Variants in TEPSIN observed in about 807,000 individuals in gnomAD.
TEPSIN encodes TEPSIN adaptor related protein complex 4 accessory protein.
Under a neutral mutation model 48.5 loss-of-function variants are expected in TEPSIN, and 50 were observed. That is an observed-to-expected ratio of 1.03 (90% CI 0.82 to 1.31). TEPSIN has a LOEUF of 1.31. Ranked by LOEUF, TEPSIN falls within the 50% of genes most tolerant of loss-of-function variation. The pLI is 0.00. For missense variants in TEPSIN, 838 were observed against 815.9 expected (o/e 1.03, Z -0.33); for synonymous variants, 392 against 358.8 (o/e 1.09, Z -1.05).
chr17:81,231,287 G>T (rs1452031972), intron 11 of TEPSIN, 111 bp downstream of exon 11: 1 of 1,159,236 alleles, frequency 8.6e-7, no homozygotes, highest in Non-Finnish European at 1.2e-6. Flanking sequence ...ACAGAGGAAT[G>T]TTCACACACA....
rs1234410764 is a variant in TEPSIN, at chr17:81,233,737, C to T, written c.376-21G>A. On this transcript the variant is annotated intron_variant, in intron 5 of 12. Coordinates refer to ENST00000637944, the MANE Select transcript of TEPSIN (RefSeq NM_001363764.2). This position sits in a 1 kb window ranked among gnomAD's most constrained non-coding sequence, Gnocchi z 5.8. The stretch of plus-strand genomic sequence containing the variant: ...AAGTCCTACAGGGGGAGGCGAAGGC[C>T]CTCAGTGTCCTCACACCAGGGCCTG... 2 of 1,574,466 alleles carry T rather than the reference C, an allele frequency of 1.3e-6. No homozygotes were observed. Among genetic ancestry groups the T allele is most frequent in the Non-Finnish European group, 1.7e-6 (2 of 1,162,154 alleles).
Position 81,232,453 on chromosome 17 carries a change from G to A in TEPSIN, c.592C>T (p.Arg198Cys), listed in dbSNP as rs539927555. ...KAAEVVASAM[R>C]PGPESPSTRR... is the part of the protein sequence containing the mutation. ...GTACTGGGACTCTCGGGCCCGGGGC[G>A]CATGGCGCTGGCCACCACCTCTGCG... The change falls in exon 8 of 13, where the codon CGC (arginine) becomes TGC (cysteine). Residue 198 changes from arginine to cysteine, a missense_variant. Coordinates refer to ENST00000637944, the MANE Select transcript of TEPSIN (RefSeq NM_001363764.2). 2.5e-4 allele frequency: 388 copies of A among 1,535,598 alleles called. 5 individuals are homozygous for A. Among genetic ancestry groups the A allele is most frequent in the South Asian group, 2.4e-3 (205 of 84,018 alleles).
intron 1 of TEPSIN, 115 bp downstream of exon 1, chr17:81,238,871 C>G (rs562680102): frequency 1.5e-6 from 2 of 1,363,594 alleles, no homozygotes; most frequent in African/African-American, 3.1e-5. Context: ...GGGCCAGGAG[C>G]AGCTACCCGG....
In TEPSIN at chr17:81,230,269, G is replaced by A. The variant is rs2062562856; in HGVS notation, c.1233+275C>T. ...AGTGTGAGGCCAAGACACAAGGGCA[G>A]GAACATTAAGGCAGCGGAGTCTGGG... On this transcript the variant is annotated intron_variant, in intron 12 of 12. Coordinates refer to ENST00000637944, the MANE Select transcript of TEPSIN (RefSeq NM_001363764.2). The surrounding 1 kb of genome is among the most constrained non-coding windows in gnomAD (Gnocchi z 4.2). 4.2e-6 allele frequency: 2 copies of A among 479,276 alleles called. No individual in the cohort carries two copies. The highest frequency in any genetic ancestry group is 7.4e-6 in the Non-Finnish European group (2 of 268,574). 29.7% of individuals were successfully genotyped at this position (479,276 alleles called of 1,614,324 possible). A position where few individuals can be genotyped will look rare whatever the true frequency, so the allele number is the denominator to read the frequency against.
chr17:81,230,489 ATCTCCCACTGT>A lies in TEPSIN; in HGVS notation c.1233+44_1233+54del, dbSNP rs1399489305. The A allele has an allele frequency of 5.6e-6, 9 of 1,597,818 alleles. No homozygotes were observed. The African/African-American group carries it at 1.2e-4, about 22-fold the overall frequency. ...ACGGGGTGGCCGTGGACTGCAGCGT[ATCTCCCACTGT>A]ACCCTTGGACCCCGGTGTGCGTGTG... On this transcript the variant is annotated intron_variant, in intron 12 of 12. Coordinates refer to ENST00000637944, the MANE Select transcript of TEPSIN (RefSeq NM_001363764.2). This position sits in a 1 kb window ranked among gnomAD's most constrained non-coding sequence, Gnocchi z 4.2.
rs370337322 is a variant in TEPSIN at position 81,229,311 on chromosome 17, C to T, written c.1399G>A (p.Val467Ile). 59 of 1,570,662 alleles carry T rather than the reference C, an allele frequency of 3.8e-5. No individual in the cohort carries two copies. The highest frequency in any genetic ancestry group is 4.9e-5 in the Non-Finnish European group (57 of 1,158,308). The change falls in exon 13 of 13, where the codon GTC becomes ATC. Residue 467 changes from valine (V) to isoleucine (I), a missense_variant. Physicochemically the swap from Val to Ile is conservative, Grantham distance 29. Transcript: ENST00000637944. ...VFLQPLSSTP[V>I]SSRSPAPSSG... ...GAGGGAGCAGGGCTCCGGGACGAGA[C>T]CGGGGTTGAACTCAGAGGCTGCAGG... is the stretch of plus-strand genomic sequence containing the variant.
chr17:81,234,369 G>T lies in TEPSIN; in HGVS notation c.308-321C>A. 3.6e-6 allele frequency: 1 copy of T among 277,570 alleles called. No individual in the cohort carries two copies. The highest frequency in any genetic ancestry group is 6.7e-6 in the Non-Finnish European group (1 of 148,946). The allele number at this position is 277,570 out of a possible 1,614,324, so 17.2% of individuals were successfully genotyped here. ...CTCTCCCTGCCCCAGGTGCACCAGG[G>T]ACCCCTCAGAGGCTTCCGGGGCCTG... On this transcript the variant is annotated intron_variant, in intron 4 of 12. Transcript: ENST00000637944. This position sits in a 1 kb window ranked among gnomAD's most constrained non-coding sequence, Gnocchi z 5.4.
chr17:81,232,587 G>A (rs147152395), intron 7 of TEPSIN, 69 bp from the exon 8 acceptor site: 41 of 1,418,110 alleles, frequency 2.9e-5, no homozygotes, highest in Admixed American at 4.6e-5. Flanking sequence ...CTGGGAGCAG[G>A]GTGCCCGCAT....
At chr17:81,231,372 C>T (rs907955102) in intron 11 of TEPSIN, 26 bp downstream of exon 11, 1 of 1,520,584 alleles carries the variant, frequency 6.6e-7, no homozygotes. Context: ...CACAGTCACG[C>T]CCTCCCGCCC....
intron 1 of TEPSIN, 132 bp downstream of exon 1, chr17:81,238,854 G>A: frequency 1.5e-6 from 2 of 1,351,910 alleles, no homozygotes; most frequent in Non-Finnish European, 1.9e-6. Context: ...CGTCGGCGCG[G>A]GCGAAGGGGC....
rs552748712 is a variant in TEPSIN, at chr17:81,237,321, C to T, written c.121+66G>A. On this transcript the variant is annotated intron_variant, in intron 2 of 12. Coordinates refer to ENST00000637944, the MANE Select transcript of TEPSIN (RefSeq NM_001363764.2). ...AGGGACAGCAGAATCCCCAGGAACC[C>T]TTTGCACCACTCTGGGACCCTGCCA... The T allele has an allele frequency of 4.5e-6, 7 of 1,547,308 alleles. No homozygotes were observed. The African/African-American group carries it at 9.5e-5, about 21-fold the overall frequency.
Position 81,233,242 on chromosome 17 carries a change from C to G in TEPSIN, c.526+190G>C. The G allele has an allele frequency of 1.5e-6, 1 of 683,198 alleles. No homozygotes were observed. The highest frequency in any genetic ancestry group is 2.4e-6 in the Non-Finnish European group (1 of 415,186). 42.3% of individuals were successfully genotyped at this position (683,198 alleles called of 1,614,324 possible). A position where few individuals can be genotyped will look rare whatever the true frequency, so the allele number is the denominator to read the frequency against. On this transcript the variant is annotated intron_variant, in intron 7 of 12. Coordinates refer to ENST00000637944, the MANE Select transcript of TEPSIN (RefSeq NM_001363764.2). This position sits in a 1 kb window ranked among gnomAD's most constrained non-coding sequence, Gnocchi z 5.8. ...CATCTGTCCATAAAGCAGCCCTGGCCACACCTGCCCCACCCCCACGTCAGC... is the reference window on the plus strand; with the variant it reads ...CATCTGTCCATAAAGCAGCCCTGGCGACACCTGCCCCACCCCCACGTCAGC...
Position 81,233,983 on chromosome 17 carries a change from G to A in TEPSIN, c.373C>T (p.Gln125Ter), listed in dbSNP as rs1598356963. 1 of 1,599,156 alleles carries A rather than the reference G, an allele frequency of 6.3e-7. No individual in the cohort carries two copies. Among genetic ancestry groups the A allele is most frequent in the East Asian group, 2.2e-5 (1 of 44,560 alleles). The change falls in exon 5 of 13, where the codon CAG becomes TAG. Residue 125 changes from glutamine to a stop codon, truncating the protein, a stop_gained and splice_region_variant. Transcript: ENST00000637944. LOFTEE classifies it high-confidence loss of function. The surrounding 1 kb of genome is among the most constrained non-coding windows in gnomAD (Gnocchi z 5.8). ...AGCGACACTGCTCCTGGGCTCACCT[G>A]CGCGGCCGCGCGAACCTTCTGGTAC... ...SLYQKVRAAA[Q>*]DLGSTLFSDT...
In TEPSIN at chr17:81,233,948, CACCCCGCAGAGCG is replaced by C. The variant is rs1567907140; in HGVS notation, c.375+20_375+32del. 1 of 1,582,042 alleles carries C rather than the reference CACCCCGCAGAGCG, an allele frequency of 6.3e-7. No homozygotes were observed. The highest frequency in any genetic ancestry group is 8.6e-7 in the Non-Finnish European group (1 of 1,169,424). Reference sequence around the variant, plus strand: ...TCCCACCCCTCTACAGGAGGAGGGGCACCCCGCAGAGCGACACTGCTCCTGGGCTCACCTGCGC... The same window carrying C: ...TCCCACCCCTCTACAGGAGGAGGGGCACACTGCTCCTGGGCTCACCTGCGC... On this transcript the variant is annotated intron_variant, in intron 5 of 12. Coordinates refer to ENST00000637944, the MANE Select transcript of TEPSIN (RefSeq NM_001363764.2). This position sits in a 1 kb window ranked among gnomAD's most constrained non-coding sequence, Gnocchi z 5.8.
rs541496787 is a variant in TEPSIN at position 81,234,750 on chromosome 17, C to T, written c.308-702G>A. ...CAGGGCTGGCGGCCACAAGCTGAGT[C>T]AATGGCTGGATGAACTGACACCCTG... On this transcript the variant is annotated intron_variant, in intron 4 of 12. Coordinates refer to ENST00000637944, the MANE Select transcript of TEPSIN (RefSeq NM_001363764.2). This position sits in a 1 kb window ranked among gnomAD's most constrained non-coding sequence, Gnocchi z 5.4. Among the ~76,000 whole-genome samples the T allele has an allele frequency of 6.6e-6, 1 of 152,106 alleles. No homozygotes were observed. The highest frequency in any genetic ancestry group is 2.4e-5 in the African/African-American group (1 of 41,414).
intron 12 of TEPSIN, 117 bp from the exon 13 acceptor site, chr17:81,229,593 T>A: frequency 9.1e-7 from 1 of 1,104,078 alleles, no homozygotes; most frequent in Non-Finnish European, 1.3e-6. Context: ...CAGGGCCACC[T>A]CTGGGCAGGA....
At position 81,231,594 on chromosome 17, in the gene TEPSIN, G is replaced by C. The variant is rs759403409; in HGVS notation, c.1003C>G (p.Gln335Glu). The change falls in exon 10 of 13, where the codon CAG becomes GAG. Residue 335 changes from glutamine to glutamate, a missense_variant. Transcript: ENST00000637944. ...PRAFLSREEAQHFIKACGLLN... is the reference protein window; with the variant it reads ...PRAFLSREEAEHFIKACGLLN... ...CGCACTCACGCTTTGATGAAGTGCT[G>C]TGCCTCCTCGCGGCTCAGGAAGGCG... 1 of 1,612,676 alleles carries C rather than the reference G, an allele frequency of 6.2e-7. No individual in the cohort carries two copies. The highest frequency in any genetic ancestry group is 1.1e-5 in the South Asian group (1 of 90,984).
chr17:81,237,930 G>T, intron 1 of TEPSIN: 1 of 992,418 alleles, frequency 1.0e-6, no homozygotes, highest in Non-Finnish European at 1.2e-6. Context: ...ATCGCTCCCC[G>T]AGAACCGACT....
At position 81,229,292 on chromosome 17, in the gene TEPSIN, G is replaced by A. The variant is rs560841065; in HGVS notation, c.1418C>T (p.Ala473Val). The stretch of plus-strand genomic sequence containing the variant: ...GCTGGACGGCATCCCAGATGAGGGA[G>A]CAGGGCTCCGGGACGAGACCGGGGT... The part of the protein sequence containing the change: ...SSTPVSSRSP[A>V]PSSGMPSSPV... Residue 473 changes from alanine (A) to valine (V), a missense_variant, in exon 13 of 13, where the codon GCT becomes GTT. Transcript: ENST00000637944. 1.4e-5 allele frequency: 22 copies of A among 1,576,002 alleles called. No homozygotes were observed. Among genetic ancestry groups the A allele is most frequent in the Middle Eastern group, 1.7e-4 (1 of 5,956 alleles).
Sources: allele counts gnomAD v4.1 joint callset (sites outside exome capture counted in the v4.1 genomes callset), GRCh38; gene constraint gnomAD v4.1.1; non-coding constraint Gnocchi (gnomAD v3.1); transcripts MANE v1.5; gene names NCBI Gene and HGNC (gene_info 2026-07-23, HGNC 2026-07-21).